MACF1: variants seen among roughly 807,000 people sequenced by gnomAD.
MACF1 encodes microtubule actin crosslinking factor 1.
Under a neutral mutation model 854.8 loss-of-function variants are expected in MACF1, and 193 were observed. The observed-to-expected ratio is 0.23, with a 90% CI of 0.20 to 0.25. The LOEUF is 0.25. MACF1 is among the 10% of genes least tolerant of loss of function. MACF1 has a pLI of 1.00. For synonymous variants in MACF1, 3,185 were observed against 3,226.7 expected (o/e 0.99, Z 0.44); for missense variants, 7,722 against 8,929.1 (o/e 0.86, Z 5.45).
intron 1 of MACF1, among the ~76,000 whole-genome samples, chr1:39,227,125 T>C (rs1644725588): frequency 6.6e-6 from 1 of 152,166 alleles, no homozygotes; most frequent in Admixed American, 6.5e-5. Flanking sequence ...GATAGCTTGC[T>C]GCAGCCTCAA....
At chr1:39,175,118 C>G (rs1644006860) in intron 2 of MACF1, among the ~76,000 whole-genome samples, 1 of 152,042 alleles carries the variant, frequency 6.6e-6, no homozygotes, top group Admixed American at 6.6e-5. Flanking sequence ...GCTGCCTTCT[C>G]CCTCCCCCAC....
At chr1:39,391,995 T>C (rs1484324910) in intron 58 of MACF1, among the ~76,000 whole-genome samples, 1 of 152,098 alleles carries the variant, frequency 6.6e-6, no homozygotes, top group African/African-American at 2.4e-5. Flanking sequence ...AGAAGGGTGG[T>C]GGAGTGTCCT....
chr1:39,294,051 G>A (rs188577276), intron 18 of MACF1, among the ~76,000 whole-genome samples: 219 of 152,176 alleles, frequency 1.4e-3, no homozygotes, highest in Non-Finnish European at 2.6e-3. Context: ...CTAATAGCAC[G>A]TATTCCCCAA....
rs1378347634 is a variant in MACF1 at position 39,254,280 on chromosome 1, T to C, written c.358-18T>C. 6.2e-7 allele frequency: 1 copy of C among 1,609,870 alleles called. No homozygotes were observed. The highest frequency in any genetic ancestry group is 8.5e-7 in the Non-Finnish European group (1 of 1,176,258). On this transcript the variant is annotated intron_variant, in intron 4 of 100. Coordinates refer to ENST00000564288, the MANE Select transcript of MACF1 (RefSeq NM_001394062.1). ...TTGTGTAGCCAGAATTAACATCCCT[T>C]TTTTTGTTTGTTTGCAGCCCCGGGA...
At chr1:39,268,443 G>A in intron 6 of MACF1, 1 of 1,061,496 alleles carries the variant, frequency 9.4e-7, no homozygotes, top group Non-Finnish European at 1.1e-6. Context: ...TTTAGGTCAA[G>A]TGATTTCTGA....
At chr1:39,475,574 C>T (rs1016358653) in intron 97 of MACF1, among the ~76,000 whole-genome samples, 3 of 151,828 alleles carry the variant, frequency 2.0e-5, no homozygotes, top group Non-Finnish European at 4.4e-5. Context: ...GCTACAGTTA[C>T]CCAGTGGGGA....
At chr1:39,430,651 G>A in intron 65 of MACF1, 51 bp from the exon 66 acceptor site, 1 of 1,430,212 alleles carries the variant, frequency 7.0e-7, no homozygotes, top group Non-Finnish European at 9.8e-7. Flanking sequence ...CACAGTTGCT[G>A]ATGTGCTTTA....
At chr1:39,117,533 G>GGTTGTGT (rs1642577832) in intron 2 of MACF1, among the ~76,000 whole-genome samples, 1 of 147,618 alleles carries the variant, frequency 6.8e-6, no homozygotes, top group Non-Finnish European at 1.5e-5. Context: ...ACCTGCAAGA[G>GGTTGTGT]GTGTGTGTGT....
In MACF1 at chr1:39,427,991, A is replaced by G; in HGVS notation, c.16507A>G (p.Thr5503Ala). The stretch of plus-strand genomic sequence containing the variant: ...GGAAGAAGACATAGAAAACCATGCA[A>G]CAGATGTGCACCAGGCAGTCAAAAT... ...ALEEDIENHA[T>A]DVHQAVKIGQ... The change falls in exon 63 of 101, where the codon ACA (threonine) becomes GCA (alanine). Residue 5503 changes from threonine (T) to alanine (A), a missense_variant. Physicochemically the swap from Thr to Ala is moderately conservative, Grantham distance 58. Coordinates refer to ENST00000564288, the MANE Select transcript of MACF1 (RefSeq NM_001394062.1). 1.2e-6 allele frequency: 2 copies of G among 1,613,946 alleles called. No homozygotes were observed. Among genetic ancestry groups the G allele is most frequent in the East Asian group, 4.5e-5 (2 of 44,868 alleles).
chr1:39,404,486 T>TAAC (rs1206666855), intron 58 of MACF1, among the ~76,000 whole-genome samples: 1 of 151,084 alleles, frequency 6.6e-6, no homozygotes, highest in Non-Finnish European at 1.5e-5. Context: ...AAAAAAAAAT[T>TAAC]AACAACAACA....
chr1:39,311,102 A>T, intron 26 of MACF1, 102 bp downstream of exon 26: 1 of 1,282,982 alleles, frequency 7.8e-7, no homozygotes, highest in African/African-American at 1.5e-5. Context: ...CAATAGACTC[A>T]AGACAGTCCT....
intron 42 of MACF1, 37 bp downstream of exon 42, chr1:39,349,664 G>T (rs188014758): frequency 6.2e-6 from 10 of 1,607,124 alleles, no homozygotes; most frequent in South Asian, 2.2e-5. Flanking sequence ...ACAAAGTCTC[G>T]CTCTATCGCT....
At chr1:39,222,971 A>T (rs1453426538) in intron 1 of MACF1, among the ~76,000 whole-genome samples, 1 of 152,158 alleles carries the variant, frequency 6.6e-6, no homozygotes, top group African/African-American at 2.4e-5. Flanking sequence ...CTTTCATTTG[A>T]CGTCAGGCCT....
At chr1:39,292,088 A>T in intron 16 of MACF1, 50 bp downstream of exon 16, 2 of 1,604,654 alleles carry the variant, frequency 1.2e-6, no homozygotes, top group Non-Finnish European at 1.7e-6. Flanking sequence ...GTTGGAACGG[A>T]TGAAAGGACA....
At chr1:39,440,366 A>G (rs1176450403) in intron 72 of MACF1, among the ~76,000 whole-genome samples, 1 of 151,618 alleles carries the variant, frequency 6.6e-6, no homozygotes, top group African/African-American at 2.4e-5. Context: ...TCGGCCTCCC[A>G]AAGTCCTGGG....
chr1:39,429,833 A>G lies in MACF1; in HGVS notation c.16895A>G (p.Glu5632Gly). 6.2e-7 allele frequency: 1 copy of G among 1,613,950 alleles called. No homozygotes were observed. The highest frequency in any genetic ancestry group is 2.2e-5 in the East Asian group (1 of 44,872). ...QALLKQTTGE[E>G]VLLIQEKLDG... ...TGTGTGCTATCTTCCATAGGTGAGG[A>G]GGTGTTACTTATCCAGGAAAAACTA... The change falls in exon 65 of 101, where the codon GAG (glutamate) becomes GGG (glycine). Residue 5632 changes from glutamate (E) to glycine (G), a missense_variant. Glu to Gly is a moderately conservative substitution (Grantham distance 98). This residue lies in a region of MACF1 where 2,807 missense variants were observed against 3,235.8 expected (regional missense o/e 0.87). Transcript: ENST00000564288.
chr1:39,095,958 T>A (rs1479790145), intron 2 of MACF1, among the ~76,000 whole-genome samples: 1 of 150,970 alleles, frequency 6.6e-6, no homozygotes, highest in Non-Finnish European at 1.5e-5. Context: ...CACTTGAGTC[T>A]GGGATATCAA....
chr1:39,357,491 G>C lies in MACF1; in HGVS notation c.11541G>C (p.Leu3847=), dbSNP rs1301999057. The C allele has an allele frequency of 3.7e-6, 6 of 1,614,160 alleles. No individual in the cohort carries two copies. The highest frequency in any genetic ancestry group is 4.2e-6 in the Non-Finnish European group (5 of 1,180,030). ...HNLTPEEQQM[L]QQKLGELKEQ... The stretch of plus-strand genomic sequence containing the variant: ...TCACACCTGAGGAGCAACAGATGCT[G>C]CAACAGAAGCTGGGAGAGCTAAAGG... Residue 3847 remains leucine (L), a synonymous_variant, in exon 45 of 101, where the codon CTG becomes CTC. Transcript: ENST00000564288.
intron 6 of MACF1, 29 bp from the exon 7 acceptor site, chr1:39,282,179 G>A (rs1411844810): frequency 6.2e-7 from 1 of 1,608,054 alleles, no homozygotes; most frequent in East Asian, 2.2e-5. Context: ...TATTTATAAT[G>A]AATTATTCTG....
Sources: allele counts gnomAD v4.1 joint callset (sites outside exome capture counted in the v4.1 genomes callset), GRCh38; gene constraint gnomAD v4.1.1; regional missense constraint gnomAD v4.1.1; transcripts MANE v1.5; gene names NCBI Gene and HGNC (gene_info 2026-07-23, HGNC 2026-07-21).